Variants in PTP4A3 observed in about 807,000 individuals in gnomAD.
The protein encoded by PTP4A3 is protein tyrosine phosphatase 4A3, also known as protein tyrosine phosphatase type IVA 3.
PTP4A3 carries 9 observed loss-of-function variants against 15.2 expected under a neutral mutation model. That is an observed-to-expected ratio of 0.59 (90% confidence interval 0.36 to 1.03). The LOEUF is 1.03. Ranked by LOEUF, PTP4A3 falls within the 50% of genes least tolerant of loss-of-function variation. PTP4A3 has a pLI of 0.02. For missense variants in PTP4A3, 234 were observed against 252.1 expected (o/e 0.93, Z 0.49); for synonymous variants, 95 against 102.0 (o/e 0.93, Z 0.41).
chr8:141,413,527 C>G (rs180676133), intron 1 of PTP4A3, among the ~76,000 whole-genome samples: 1 of 152,244 alleles, frequency 6.6e-6, no homozygotes, highest in African/African-American at 2.4e-5. Flanking sequence ...GAGCGACTGG[C>G]TCTTAACGGA....
In PTP4A3 at chr8:141,427,205, G is replaced by A. The variant is rs561296906; in HGVS notation, c.329+136G>A. The stretch of plus-strand genomic sequence containing the variant: ...CAGGAGGCCCATGCCCCTAGTGCTG[G>A]GGCTCCCAGACTGGTCCTCTCCCAG... On this transcript the variant is annotated intron_variant, in intron 4 of 5. Transcript: ENST00000521578. The A allele has an allele frequency of 4.6e-6, 6 of 1,305,560 alleles. No homozygotes were observed. In the East Asian group the frequency reaches 1.3e-4, roughly 28 times the overall value. 80.9% of individuals were successfully genotyped at this position (1,305,560 alleles called of 1,614,324 possible).
At chr8:141,411,389 T>C (rs968594874) in intron 1 of PTP4A3, among the ~76,000 whole-genome samples, 1 of 152,172 alleles carries the variant, frequency 6.6e-6, no homozygotes, top group African/African-American at 2.4e-5. Flanking sequence ...CTAGGCACCA[T>C]GGGGAACCTG....
At position 141,425,041 on chromosome 8, in the gene PTP4A3, C is replaced by T. The variant is rs748482072; in HGVS notation, c.106-7C>T. 3.1e-6 allele frequency: 5 copies of T among 1,611,098 alleles called. No homozygotes were observed. Among genetic ancestry groups the T allele is most frequent in the East Asian group, 4.5e-5 (2 of 44,860 alleles). The stretch of plus-strand genomic sequence containing the variant: ...CAGCCCTGCCTCCTCCGTCCTCCCA[C>T]CCCCAGGACCTGAAGAAGTACGGGG... On this transcript the variant is annotated splice_region_variant and splice_polypyrimidine_tract_variant and intron_variant, in intron 2 of 5. Transcript: ENST00000521578. This position sits in a 1 kb window ranked among gnomAD's most constrained non-coding sequence, Gnocchi z 4.2.
At chr8:141,402,663 C>T (rs74755713) in intron 1 of PTP4A3, among the ~76,000 whole-genome samples, 4,602 of 152,138 alleles carry the variant, frequency 0.03, 213 homozygotes, top group African/African-American at 0.1. Flanking sequence ...TTGGCCCTTC[C>T]GCCTCTGGCT....
chr8:141,401,418 G>A (rs904568222), intron 1 of PTP4A3, among the ~76,000 whole-genome samples: 6 of 152,162 alleles, frequency 3.9e-5, no homozygotes, highest in Admixed American at 3.9e-4. Context: ...GCCTGCCTGT[G>A]CTTCAGTGTC....
At position 141,422,335 on chromosome 8, in the gene PTP4A3, C is replaced by T. The variant is rs769213289; in HGVS notation, c.95C>T (p.Thr32Ile). 1.2e-6 allele frequency: 2 copies of T among 1,613,472 alleles called. No homozygotes were observed. Among genetic ancestry groups the T allele is most frequent in the Non-Finnish European group, 1.7e-6 (2 of 1,179,986 alleles). Residue 32 changes from threonine (T) to isoleucine (I), a missense_variant, in exon 2 of 6, where the codon ACC becomes ATC. Physicochemically the swap from Thr to Ile is moderately conservative, Grantham distance 89 (BLOSUM62 -1). Coordinates refer to ENST00000521578, the MANE Select transcript of PTP4A3 (RefSeq NM_032611.3). ...THNPTNATLS[T>I]FIEDLKKYGA... ...AACCCCACCAACGCCACGCTCAGCA[C>T]CTTCATTGAGGTGAGTGGAGACGGA...
chr8:141,401,740 A>G (rs1832594814), intron 1 of PTP4A3, among the ~76,000 whole-genome samples: 1 of 152,194 alleles, frequency 6.6e-6, no homozygotes, highest in African/African-American at 2.4e-5. Flanking sequence ...GAGTCCCAGG[A>G]TAGCATGCGG....
intron 1 of PTP4A3, among the ~76,000 whole-genome samples, chr8:141,398,392 G>C (rs1251744079): frequency 6.6e-6 from 1 of 152,152 alleles, no homozygotes; most frequent in East Asian, 1.9e-4. Flanking sequence ...TTGCTGATGT[G>C]GGCAGACGGG....
At chr8:141,407,488 G>A (rs976220209) in intron 1 of PTP4A3, among the ~76,000 whole-genome samples, 5 of 152,136 alleles carry the variant, frequency 3.3e-5, no homozygotes, top group Non-Finnish European at 5.9e-5. Context: ...CAGGCCCACA[G>A]AGTAGAACAA....
chr8:141,426,003 G>A lies in PTP4A3; in HGVS notation c.198+863G>A, dbSNP rs558153772. 1.1e-3 allele frequency among the ~76,000 whole-genome samples: 163 copies of A among 152,292 alleles called. 1 individual carries two copies. The highest frequency in any genetic ancestry group is 3.6e-3 in the African/African-American group (149 of 41,566). ...AGGCAAAGGCATGTCCCCGCTTCTC[G>A]CACGGGGTGCGCCCACACCCTCCCT... On this transcript the variant is annotated intron_variant, in intron 3 of 5. Transcript: ENST00000521578.
At chr8:141,400,549 A>G (rs545650899) in intron 1 of PTP4A3, among the ~76,000 whole-genome samples, 54 of 152,182 alleles carry the variant, frequency 3.5e-4, no homozygotes, top group African/African-American at 1.3e-3. Flanking sequence ...CTTGTTTATT[A>G]ACCAGCCATC....
In PTP4A3 at chr8:141,411,598, C is replaced by A. The variant is rs186629057; in HGVS notation, c.-853-9790C>A. 4.2e-4 allele frequency among the ~76,000 whole-genome samples: 64 copies of A among 152,360 alleles called. No homozygotes were observed. The East Asian group carries it at 0.012, about 28-fold the overall frequency. ...CCTACGTGCATGCCGGCTGAGTCCC[C>A]TCACCGTGCAGGGCTGGCTATTTTG... On this transcript the variant is annotated intron_variant, in intron 1 of 5. Transcript: ENST00000521578.
intron 1 of PTP4A3, among the ~76,000 whole-genome samples, chr8:141,397,010 C>T (rs1268432983): frequency 6.6e-6 from 1 of 152,178 alleles, no homozygotes; most frequent in Admixed American, 6.5e-5. Context: ...AGCCTCTCCT[C>T]CCTTGCTGTT....
In PTP4A3 at chr8:141,428,318, C is replaced by G. The variant is rs576803882; in HGVS notation, c.404+494C>G. 1.1e-3 allele frequency among the ~76,000 whole-genome samples: 158 copies of G among 145,400 alleles called. 1 individual carries two copies. Among genetic ancestry groups the G allele is most frequent in the African/African-American group, 3.8e-3 (154 of 40,070 alleles). On this transcript the variant is annotated intron_variant, in intron 5 of 5. Transcript: ENST00000521578. The stretch of plus-strand genomic sequence containing the variant: ...CCCTCCCCGCCCTCCTTAGAGGCTT[C>G]TAGGCCAGCTCGCCTGCCCCATCCC...
At chr8:141,426,869 C>T (rs772431903) in intron 3 of PTP4A3, 70 bp from the exon 4 acceptor site, 48 of 1,553,042 alleles carry the variant, frequency 3.1e-5, no homozygotes, top group African/African-American at 2.4e-4. Flanking sequence ...TCCCTTTCCT[C>T]GCCTGAGCCC....
intron 1 of PTP4A3, among the ~76,000 whole-genome samples, chr8:141,419,377 T>TGC (rs758920035): frequency 6.6e-6 from 1 of 152,214 alleles, no homozygotes; most frequent in Non-Finnish European, 1.5e-5. Context: ...GGCTCCCGTG[T>TGC]GCACACACAC....
chr8:141,401,845 C>T (rs932236858), intron 1 of PTP4A3, among the ~76,000 whole-genome samples: 5 of 152,168 alleles, frequency 3.3e-5, no homozygotes, highest in African/African-American at 1.2e-4. Flanking sequence ...CCGAGCGCAT[C>T]CATCTGTCCA....
chr8:141,428,666 G>A (rs756302555), intron 5 of PTP4A3, among the ~76,000 whole-genome samples: 2 of 152,128 alleles, frequency 1.3e-5, no homozygotes, highest in African/African-American at 2.4e-5. Flanking sequence ...GGGTCTGTGC[G>A]AGAGCGTGGC....
chr8:141,420,188 CTGAAG>C lies in PTP4A3; in HGVS notation c.-853-1197_-853-1193del, dbSNP rs1158843801. 5.3e-5 allele frequency among the ~76,000 whole-genome samples: 8 copies of C among 152,266 alleles called. No homozygotes were observed. In the East Asian group the frequency reaches 1.5e-3, roughly 29 times the overall value. On this transcript the variant is annotated intron_variant, in intron 1 of 5. Transcript: ENST00000521578. Reference sequence around the variant, plus strand: ...GGAGGGCTCTGCTGGGCGAGGGGCCCTGAAGTGCCTTTCCTTGGGTAGCAGGCAGT... The same window carrying C: ...GGAGGGCTCTGCTGGGCGAGGGGCCCTGCCTTTCCTTGGGTAGCAGGCAGT...
Sources: allele counts gnomAD v4.1 joint callset (sites outside exome capture counted in the v4.1 genomes callset), GRCh38; gene constraint gnomAD v4.1.1; non-coding constraint Gnocchi (gnomAD v3.1); transcripts MANE v1.5; gene names NCBI Gene and HGNC (gene_info 2026-07-23, HGNC 2026-07-21).